NARS2: variants seen among roughly 807,000 people sequenced by gnomAD.
NARS2 encodes asparaginyl-tRNA synthetase.
Under a neutral mutation model 62.9 loss-of-function variants are expected in NARS2, and 60 were observed. That is an observed-to-expected ratio of 0.95 (90% CI 0.77 to 1.18). The LOEUF is 1.18. NARS2 is among the 50% of genes most tolerant of loss of function. NARS2 has a pLI of 0.00. For synonymous variants in NARS2, 196 were observed against 200.0 expected (o/e 0.98, Z 0.17); for missense variants, 619 against 576.4 (o/e 1.07, Z -0.76).
Position 78,568,762 on chromosome 11 carries a change from CA to C in NARS2, c.252-11del. 6.4e-7 allele frequency: 1 copy of C among 1,573,680 alleles called. No homozygotes were observed. On this transcript the variant is annotated splice_polypyrimidine_tract_variant and intron_variant, in intron 2 of 13. Coordinates refer to ENST00000281038, the MANE Select transcript of NARS2 (RefSeq NM_024678.6). Reference sequence around the variant, plus strand: ...CCCAAAATTTAATTCTCTATAGTAACAAAAAACAAGATAAACAAGATATCAT... The same window carrying C: ...CCCAAAATTTAATTCTCTATAGTAACAAAAACAAGATAAACAAGATATCAT...
intron 11 of NARS2, among the ~76,000 whole-genome samples, chr11:78,463,274 G>A (rs1858468657): frequency 6.6e-6 from 1 of 152,060 alleles, no homozygotes; most frequent in Non-Finnish European, 1.5e-5. Context: ...TCAACAGGCT[G>A]GTCTTGAATT....
chr11:78,507,606 G>A (rs892282007), intron 6 of NARS2, among the ~76,000 whole-genome samples: 1 of 149,558 alleles, frequency 6.7e-6, no homozygotes, highest in Non-Finnish European at 1.5e-5. Flanking sequence ...TGCAAACTCC[G>A]CCTCCCGGGT....
intron 6 of NARS2, among the ~76,000 whole-genome samples, chr11:78,503,175 A>C (rs2135362268): frequency 6.6e-6 from 1 of 152,200 alleles, no homozygotes; most frequent in African/African-American, 2.4e-5. Flanking sequence ...CTTTAACATA[A>C]GCAGTCCAAA....
At chr11:78,516,885 A>C (rs1860932015) in intron 6 of NARS2, among the ~76,000 whole-genome samples, 1 of 152,246 alleles carries the variant, frequency 6.6e-6, no homozygotes, top group African/African-American at 2.4e-5. Flanking sequence ...GCTATAAAGA[A>C]ATAAACCAAC....
chr11:78,480,843 G>C (rs748174065), intron 7 of NARS2, among the ~76,000 whole-genome samples: 6 of 150,834 alleles, frequency 4.0e-5, no homozygotes, highest in Non-Finnish European at 7.4e-5. Flanking sequence ...TTCTAAGACA[G>C]AGTCTTGCTC....
At chr11:78,554,196 G>C (rs1856241213) in intron 5 of NARS2, among the ~76,000 whole-genome samples, 1 of 152,090 alleles carries the variant, frequency 6.6e-6, no homozygotes, top group Non-Finnish European at 1.5e-5. Flanking sequence ...TTTTGCTTAG[G>C]ATTGCCTTGG....
In NARS2 at chr11:78,529,325, T is replaced by C. The variant is rs897336423; in HGVS notation, c.595-389A>G. On this transcript the variant is annotated intron_variant, in intron 5 of 13. Coordinates refer to ENST00000281038, the MANE Select transcript of NARS2 (RefSeq NM_024678.6). ...TTGAGACTTAATTATCTCAAGAGAA[T>C]AGCCTCTGGAACATGCGAGGTCATA... is the stretch of plus-strand genomic sequence containing the variant. Among the ~76,000 whole-genome samples the C allele has an allele frequency of 5.9e-5, 9 of 152,376 alleles. No homozygotes were observed. The South Asian group carries it at 1.7e-3, about 28-fold the overall frequency.
chr11:78,436,659 C>T lies in NARS2; in HGVS notation c.*11G>A. 9.3e-6 allele frequency: 15 copies of T among 1,613,780 alleles called. No individual in the cohort carries two copies. The highest frequency in any genetic ancestry group is 1.2e-5 in the Non-Finnish European group (14 of 1,179,844). On this transcript the variant is annotated 3_prime_UTR_variant, in exon 14 of 14. Transcript: ENST00000281038. ...GCCATGGGGGGTGCTTTTCCTTAAC[C>T]AATCTTCCAGCTATAAAAGGCATGA...
chr11:78,464,380 G>C (rs1037494430), intron 11 of NARS2, among the ~76,000 whole-genome samples: 1 of 152,092 alleles, frequency 6.6e-6, no homozygotes, highest in Non-Finnish European at 1.5e-5. Context: ...CTGCTGGCTC[G>C]GGCAGCCTGC....
At chr11:78,505,267 AAT>A (rs1446860821) in intron 6 of NARS2, among the ~76,000 whole-genome samples, 1 of 82,462 alleles carries the variant, frequency 1.2e-5, no homozygotes, top group African/African-American at 4.8e-5. Flanking sequence ...AAGAAAACAA[AAT>A]ACACACACAC....
At chr11:78,534,716 C>T (rs1247118197) in intron 5 of NARS2, among the ~76,000 whole-genome samples, 1 of 152,160 alleles carries the variant, frequency 6.6e-6, no homozygotes, top group Non-Finnish European at 1.5e-5. Context: ...TTACTGGATC[C>T]TGCATCTAGC....
intron 6 of NARS2, among the ~76,000 whole-genome samples, chr11:78,503,565 T>C (rs1476033327): frequency 1.1e-4 from 16 of 152,312 alleles, no homozygotes; most frequent in Admixed American, 9.1e-4. Flanking sequence ...TTACCACTTA[T>C]GATTGAAAGT....
intron 13 of NARS2, among the ~76,000 whole-genome samples, chr11:78,438,136 C>T (rs1322696160): frequency 6.6e-6 from 1 of 152,074 alleles, no homozygotes; most frequent in African/African-American, 2.4e-5. Context: ...CCTATTTCCC[C>T]ACCATTAATA....
intron 6 of NARS2, among the ~76,000 whole-genome samples, chr11:78,520,374 T>A (rs1861070138): frequency 6.6e-6 from 1 of 152,174 alleles, no homozygotes. Context: ...GTGTGTCTCC[T>A]ACATCTCTAT....
At chr11:78,457,041 G>A (rs1858190009) in intron 11 of NARS2, among the ~76,000 whole-genome samples, 1 of 152,170 alleles carries the variant, frequency 6.6e-6, no homozygotes, top group African/African-American at 2.4e-5. Flanking sequence ...TTATACAGAG[G>A]GAGAAATTGA....
At chr11:78,461,260 A>C (rs79034062) in intron 11 of NARS2, among the ~76,000 whole-genome samples, 6 of 152,250 alleles carry the variant, frequency 3.9e-5, no homozygotes, top group Admixed American at 2.6e-4. Context: ...GAAAATAAAG[A>C]CCACCAAGGA....
At chr11:78,531,876 G>A (rs150653203) in intron 5 of NARS2, among the ~76,000 whole-genome samples, 13 of 152,180 alleles carry the variant, frequency 8.5e-5, no homozygotes, top group Non-Finnish European at 1.6e-4. Flanking sequence ...TGTGTAGAGG[G>A]GAAAATGGGA....
intron 5 of NARS2, among the ~76,000 whole-genome samples, chr11:78,532,779 C>T (rs1052812116): frequency 1.3e-5 from 2 of 152,320 alleles, no homozygotes; most frequent in African/African-American, 2.4e-5. Context: ...GGCCCCATGA[C>T]TACCAAATTG....
At position 78,493,081 on chromosome 11, in the gene NARS2, G is replaced by A. The variant is rs1318218475; in HGVS notation, c.804C>T (p.Ser268=). The A allele has an allele frequency of 6.2e-7, 1 of 1,612,750 alleles. No homozygotes were observed. The highest frequency in any genetic ancestry group is 8.5e-7 in the Non-Finnish European group (1 of 1,179,460). Residue 268 remains serine, a synonymous_variant, in exon 7 of 14, where the codon AGC becomes AGT. Coordinates refer to ENST00000281038, the MANE Select transcript of NARS2 (RefSeq NM_024678.6). ...TACCTACCTGCATAAGATCTTGAAG[G>A]CTGTCAACAAAAGAAATCTCTGCTT... is the stretch of plus-strand genomic sequence containing the variant. ...MIEAEISFVD[S]LQDLMQVIEE...
Sources: allele counts gnomAD v4.1 joint callset (sites outside exome capture counted in the v4.1 genomes callset), GRCh38; gene constraint gnomAD v4.1.1; transcripts MANE v1.5; gene names NCBI Gene and HGNC (gene_info 2026-07-23, HGNC 2026-07-21).